Variants in ZNF468 observed in about 807,000 individuals in gnomAD.
ZNF468 encodes zinc finger protein ZNF468.
A neutral mutation model predicts 7.2 loss-of-function variants in ZNF468; 8 were observed. The ratio of observed to expected loss-of-function variants is 1.11; its 90% confidence interval spans 0.65 to 2.01. ZNF468 has a LOEUF of 2.01. ZNF468 is among the 30% of genes most tolerant of loss of function. The pLI is 0.00. For synonymous variants in ZNF468, 218 were observed against 214.4 expected (o/e 1.02, Z -0.15); for missense variants, 608 against 626.5 (o/e 0.97, Z 0.31).
Position 52,841,506 on chromosome 19 carries a change from C to G in ZNF468, c.788G>C (p.Arg263Thr), listed in dbSNP as rs185070718. The G allele has an allele frequency of 1.2e-6, 2 of 1,614,124 alleles. No individual in the cohort carries two copies. Among genetic ancestry groups the G allele is most frequent in the East Asian group, 2.2e-5 (1 of 44,868 alleles). Residue 263 changes from arginine to threonine, a missense_variant, in exon 4 of 4, where the codon AGA (arginine) becomes ACA (threonine). Transcript: ENST00000595646. ...GTAAGGTTTCTCACCAGTGTGACAT[C>G]TACGATGGCAGGCAAGGTATCGCTT... ...NQKRYLACHR[R>T]CHTGEKPYKC...
chr19:52,857,036 T>A (rs1213144008), intron 1 of ZNF468, among the ~76,000 whole-genome samples: 1 of 151,738 alleles, frequency 6.6e-6, no homozygotes, highest in Admixed American at 6.6e-5. Context: ...CCCAGGCACC[T>A]CTCCAACGAG....
rs2063299983 is a variant in ZNF468 at position 52,841,511 on chromosome 19, A to G, written c.783T>C (p.His261=). The part of the protein sequence containing the change: ...VFNQKRYLAC[H]RRCHTGEKPY... ...GTTTCTCACCAGTGTGACATCTACG[A>G]TGGCAGGCAAGGTATCGCTTCTGAT... is the stretch of plus-strand genomic sequence containing the variant. The change falls in exon 4 of 4, where the codon CAT becomes CAC. Residue 261 remains histidine, a synonymous_variant. Coordinates refer to ENST00000595646, the MANE Select transcript of ZNF468 (RefSeq NM_001008801.2). 8 of 1,614,130 alleles carry G rather than the reference A, an allele frequency of 5.0e-6. No homozygotes were observed. Among genetic ancestry groups the G allele is most frequent in the Non-Finnish European group, 6.8e-6 (8 of 1,180,018 alleles).
chr19:52,851,198 C>G (rs1041174477), intron 2 of ZNF468, among the ~76,000 whole-genome samples: 18 of 152,098 alleles, frequency 1.2e-4, no homozygotes, highest in African/African-American at 4.3e-4. Flanking sequence ...ATCACTGGAA[C>G]TTGGGAGGCA....
chr19:52,846,347 C>T (rs2063341836), intron 3 of ZNF468, among the ~76,000 whole-genome samples: 1 of 151,994 alleles, frequency 6.6e-6, no homozygotes, highest in African/African-American at 2.4e-5. Flanking sequence ...TTACAGCCAC[C>T]CACCACCGCA....
In ZNF468 at chr19:52,841,881, T is replaced by A. The variant is rs1303592374; in HGVS notation, c.413A>T (p.Asp138Val). Residue 138 changes from aspartate (D) to valine (V), a missense_variant, in exon 4 of 4, where the codon GAT becomes GTT. Coordinates refer to ENST00000595646, the MANE Select transcript of ZNF468 (RefSeq NM_001008801.2). Reference sequence around the variant, plus strand: ...CAAATGAAAGCTTGATCCAAGCTGATCTTTAATACGCTTGTTTCCAGCATG... The same window carrying A: ...CAAATGAAAGCTTGATCCAAGCTGAACTTTAATACGCTTGTTTCCAGCATG... ...QRHAGNKRIKDQLGSSFHLHL... is the reference protein window; with the variant it reads ...QRHAGNKRIKVQLGSSFHLHL... 6.2e-7 allele frequency: 1 copy of A among 1,613,992 alleles called. No individual in the cohort carries two copies.
chr19:52,851,580 T>C (rs1175662235), intron 2 of ZNF468, among the ~76,000 whole-genome samples: 1 of 151,286 alleles, frequency 6.6e-6, no homozygotes, highest in Non-Finnish European at 1.5e-5. Context: ...GCTCAAAAAA[T>C]AAAAATTAAA....
chr19:52,844,430 C>T (rs2063327615), intron 3 of ZNF468, among the ~76,000 whole-genome samples: 1 of 152,146 alleles, frequency 6.6e-6, no homozygotes, highest in Non-Finnish European at 1.5e-5. Context: ...AAATAAATTT[C>T]TGTCTCTTAA....
intron 1 of ZNF468, among the ~76,000 whole-genome samples, chr19:52,855,874 T>C (rs538087311): frequency 1.1e-3 from 173 of 152,204 alleles, no homozygotes; most frequent in Admixed American, 2.8e-3. Flanking sequence ...TGCAGGGAGG[T>C]TCACTGGGGC....
At position 52,840,300 on chromosome 19, in the gene ZNF468, C is replaced by A. The variant is rs1304879254; in HGVS notation, c.*425G>T. ...TTCATTGTGCTTGTAAGGTTTCTCT[C>A]CACTATGAATTACAAGGTGTGAATT... On this transcript the variant is annotated 3_prime_UTR_variant, in exon 4 of 4. Coordinates refer to ENST00000595646, the MANE Select transcript of ZNF468 (RefSeq NM_001008801.2). The A allele has an allele frequency of 2.4e-5, 10 of 415,902 alleles. No individual in the cohort carries two copies. The highest frequency in any genetic ancestry group is 3.7e-5 in the Non-Finnish European group (8 of 214,168). 25.8% of individuals were successfully genotyped at this position (415,902 alleles called of 1,614,324 possible).
intron 2 of ZNF468, 188 bp downstream of exon 2, chr19:52,854,069 CT>C (rs755895193): frequency 5.9e-6 from 9 of 1,515,772 alleles, no homozygotes; most frequent in African/African-American, 1.4e-5. Flanking sequence ...AGTGCAGCCT[CT>C]TCCCAAGTTC....
chr19:52,855,578 C>T (rs1234338698), intron 1 of ZNF468, among the ~76,000 whole-genome samples: 1 of 152,150 alleles, frequency 6.6e-6, no homozygotes, highest in African/African-American at 2.4e-5. Context: ...CCCTGCCAGG[C>T]ACTGACATGA....
At position 52,840,308 on chromosome 19, in the gene ZNF468, A is replaced by T; in HGVS notation, c.*417T>A. ...GCTTGTAAGGTTTCTCTCCACTATGAATTACAAGGTGTGAATTTTGACCTT... is the reference window on the plus strand; with the variant it reads ...GCTTGTAAGGTTTCTCTCCACTATGTATTACAAGGTGTGAATTTTGACCTT... On this transcript the variant is annotated 3_prime_UTR_variant, in exon 4 of 4. Coordinates refer to ENST00000595646, the MANE Select transcript of ZNF468 (RefSeq NM_001008801.2). The T allele has an allele frequency of 2.4e-6, 1 of 420,048 alleles. No individual in the cohort carries two copies. The highest frequency in any genetic ancestry group is 4.6e-6 in the Non-Finnish European group (1 of 217,058). 26.0% of individuals were successfully genotyped at this position (420,048 alleles called of 1,614,324 possible).
At chr19:52,846,359 C>G (rs1309947128) in intron 3 of ZNF468, among the ~76,000 whole-genome samples, 3 of 152,102 alleles carry the variant, frequency 2.0e-5, no homozygotes, top group Non-Finnish European at 2.9e-5. Flanking sequence ...ACCACCGCAC[C>G]TGGCTAACTT....
rs781481177 is a variant in ZNF468, at chr19:52,839,518, T to C, written c.*1207A>G. Reference sequence around the variant, plus strand: ...TGTCAATTAATGCTTGATGGTTTGCTATACTCACTGCATTTGAAACAACTG... The same window carrying C: ...TGTCAATTAATGCTTGATGGTTTGCCATACTCACTGCATTTGAAACAACTG... On this transcript the variant is annotated 3_prime_UTR_variant, in exon 4 of 4. Coordinates refer to ENST00000595646, the MANE Select transcript of ZNF468 (RefSeq NM_001008801.2). The C allele has an allele frequency of 2.3e-5, 11 of 483,590 alleles. No homozygotes were observed. The highest frequency in any genetic ancestry group is 3.3e-5 in the Non-Finnish European group (8 of 241,442). The allele number at this position is 483,590 out of a possible 1,614,324, so 30.0% of individuals were successfully genotyped here.
At chr19:52,850,860 C>T (rs1053903049) in intron 2 of ZNF468, among the ~76,000 whole-genome samples, 4 of 151,752 alleles carry the variant, frequency 2.6e-5, no homozygotes, top group African/African-American at 9.7e-5. Context: ...GATCGCGCCA[C>T]TGCACTCCAG....
intron 1 of ZNF468, among the ~76,000 whole-genome samples, chr19:52,856,380 G>A (rs1600540235): frequency 6.6e-6 from 1 of 151,930 alleles, no homozygotes; most frequent in South Asian, 2.1e-4. Context: ...AATTAGCTGG[G>A]CTCCATCCTT....
At chr19:52,855,403 T>C (rs867690934) in intron 1 of ZNF468, among the ~76,000 whole-genome samples, 12 of 152,250 alleles carry the variant, frequency 7.9e-5, no homozygotes, top group African/African-American at 2.9e-4. Flanking sequence ...ATTTTGATGT[T>C]TGAAAAAAGA....
At chr19:52,855,884 C>T (rs556182721) in intron 1 of ZNF468, among the ~76,000 whole-genome samples, 29 of 152,350 alleles carry the variant, frequency 1.9e-4, no homozygotes, top group African/African-American at 6.7e-4. Context: ...TTCACTGGGG[C>T]TCAGAGCTGG....
Position 52,840,679 on chromosome 19 carries a change from A to T in ZNF468, c.*46T>A. On this transcript the variant is annotated 3_prime_UTR_variant, in exon 4 of 4. Transcript: ENST00000595646. The stretch of plus-strand genomic sequence containing the variant: ...TCCAGTATGAATTGCCTTATGACTT[A>T]CAGGGTTGAATTGTGATGGAAGGTC... 6.2e-7 allele frequency: 1 copy of T among 1,610,934 alleles called. No individual in the cohort carries two copies. Among genetic ancestry groups the T allele is most frequent in the Non-Finnish European group, 8.5e-7 (1 of 1,177,832 alleles).
Sources: allele counts gnomAD v4.1 joint callset (sites outside exome capture counted in the v4.1 genomes callset), GRCh38; gene constraint gnomAD v4.1.1; transcripts MANE v1.5; gene names NCBI Gene and HGNC (gene_info 2026-07-23, HGNC 2026-07-21).